Variants in ERBB4 observed in about 807,000 individuals in gnomAD.
The protein encoded by ERBB4 is erb-b2 receptor tyrosine kinase 4.
In ERBB4, 42 loss-of-function variants were observed where a neutral mutation model predicts 158.0. The ratio of observed to expected loss-of-function variants is 0.27; its 90% confidence interval spans 0.21 to 0.34. The LOEUF is 0.34. ERBB4 is among the 10% of genes least tolerant of loss of function. The pLI, the probability that ERBB4 is intolerant of heterozygous loss-of-function variation, is 1.00. For synonymous variants in ERBB4, 583 were observed against 558.7 expected (o/e 1.04, Z -0.61); for missense variants, 1,333 against 1,624.1 (o/e 0.82, Z 3.08).
At position 212,062,364 on chromosome 2, in the gene ERBB4, C is replaced by T. The variant is rs1023304039; in HGVS notation, c.234+62388G>A. Among the ~76,000 whole-genome samples, 28 of 144,144 alleles carry T rather than the reference C, an allele frequency of 1.9e-4. No individual in the cohort carries two copies. The East Asian group carries it at 3.8e-3, about 20-fold the overall frequency. 94.6% of individuals were successfully genotyped at this position (144,144 alleles called of 152,430 possible). On this transcript the variant is annotated intron_variant, in intron 2 of 27. Coordinates refer to ENST00000342788, the MANE Select transcript of ERBB4 (RefSeq NM_005235.3). ...CTGACTGCAGTCTCACTCCAGCTTT[C>T]GTCTTCCTCCTACTACTCTTCTCAC...
chr2:212,049,896 C>T (rs1258806213), intron 2 of ERBB4, among the ~76,000 whole-genome samples: 2 of 152,166 alleles, frequency 1.3e-5, no homozygotes, highest in African/African-American at 4.8e-5. Context: ...CTTTCCAAGT[C>T]TGCACTTCAC....
rs1178723887 is a variant in ERBB4 at position 211,379,449 on chromosome 2, T to C, written c.*4166A>G. On this transcript the variant is annotated 3_prime_UTR_variant, in exon 28 of 28. Coordinates refer to ENST00000342788, the MANE Select transcript of ERBB4 (RefSeq NM_005235.3). ...TTCATTGTAATGCTTTAAAGCAAGT[T>C]TTCCCAAGTGGAACCATATATGCCT... 4.3e-6 allele frequency: 1 copy of C among 230,062 alleles called. No individual in the cohort carries two copies. The highest frequency in any genetic ancestry group is 8.6e-6 in the Non-Finnish European group (1 of 116,172). The allele number at this position is 230,062 out of a possible 1,614,324, so 14.3% of individuals were successfully genotyped here.
intron 1 of ERBB4, among the ~76,000 whole-genome samples, chr2:212,207,353 T>C (rs2082794511): frequency 6.6e-6 from 1 of 152,192 alleles, no homozygotes; most frequent in Non-Finnish European, 1.5e-5. Flanking sequence ...TTTCAAATAA[T>C]GGAATTATCT....
At chr2:211,468,963 T>C (rs1353132704) in intron 20 of ERBB4, among the ~76,000 whole-genome samples, 7 of 149,418 alleles carry the variant, frequency 4.7e-5, no homozygotes, top group African/African-American at 1.2e-4. Flanking sequence ...CTGTGTTTCA[T>C]GTACAGCATT....
chr2:211,476,041 A>T (rs990116821), intron 20 of ERBB4, among the ~76,000 whole-genome samples: 1 of 152,144 alleles, frequency 6.6e-6, no homozygotes, highest in Non-Finnish European at 1.5e-5. Context: ...CAGAAAGTCT[A>T]AGGGAGTTCC....
chr2:212,336,069 T>TG (rs2088426411), intron 1 of ERBB4, among the ~76,000 whole-genome samples: 1 of 151,942 alleles, frequency 6.6e-6, no homozygotes, highest in Non-Finnish European at 1.5e-5. Context: ...AAGCAAGCAC[T>TG]GGGGGAACTG....
chr2:211,459,746 T>A (rs1421871925), intron 20 of ERBB4, among the ~76,000 whole-genome samples: 1 of 152,158 alleles, frequency 6.6e-6, no homozygotes, highest in Non-Finnish European at 1.5e-5. Flanking sequence ...TTTTTCTTTA[T>A]AAATTACCCA....
chr2:211,407,378 T>C (rs1030459882), intron 25 of ERBB4, among the ~76,000 whole-genome samples: 4 of 152,204 alleles, frequency 2.6e-5, no homozygotes, highest in Non-Finnish European at 5.9e-5. Context: ...ATATGAATTA[T>C]GTATACCTCA....
intron 19 of ERBB4, among the ~76,000 whole-genome samples, chr2:211,599,469 G>A (rs1300489476): frequency 8.5e-6 from 1 of 117,466 alleles, no homozygotes; most frequent in Non-Finnish European, 1.9e-5. Context: ...GCCTGTGTAA[G>A]AAGATACTCT....
intron 1 of ERBB4, among the ~76,000 whole-genome samples, chr2:212,333,532 A>G (rs1480342135): frequency 6.7e-6 from 1 of 148,712 alleles, no homozygotes; most frequent in Non-Finnish European, 1.5e-5. Flanking sequence ...AATACGAAAA[A>G]AAAAAAAAAA....
At chr2:212,069,681 CA>C (rs1225372239) in intron 2 of ERBB4, among the ~76,000 whole-genome samples, 6 of 151,906 alleles carry the variant, frequency 3.9e-5, no homozygotes, top group Non-Finnish European at 5.9e-5. Context: ...ACGAAATACA[CA>C]AAAAAACTAT....
At chr2:211,777,152 G>T (rs2075899393) in intron 4 of ERBB4, 1 of 152,090 alleles carries the variant, frequency 6.6e-6, no homozygotes, top group Non-Finnish European at 1.5e-5. Context: ...GTATATGCGT[G>T]AGCATATGTG....
chr2:211,981,080 T>C (rs2081780114), intron 2 of ERBB4, among the ~76,000 whole-genome samples: 1 of 143,504 alleles, frequency 7.0e-6, no homozygotes, highest in South Asian at 2.7e-4. Flanking sequence ...TAGTTAAAAT[T>C]AACAATATTA....
At chr2:212,335,291 T>A (rs2106305488) in intron 1 of ERBB4, among the ~76,000 whole-genome samples, 1 of 152,050 alleles carries the variant, frequency 6.6e-6, no homozygotes, top group East Asian at 1.9e-4. Flanking sequence ...ATAAGATTCA[T>A]CTTAACAATA....
At chr2:211,415,113 T>C (rs1349135032) in intron 25 of ERBB4, among the ~76,000 whole-genome samples, 2 of 111,746 alleles carry the variant, frequency 1.8e-5, no homozygotes, top group Non-Finnish European at 3.8e-5. Context: ...TTTTCTTTTT[T>C]TTTTTTTTTT....
chr2:211,393,587 T>A, intron 25 of ERBB4, among the ~76,000 whole-genome samples: 1 of 152,170 alleles, frequency 6.6e-6, no homozygotes, highest in Non-Finnish European at 1.5e-5. Flanking sequence ...GAAAAGAACT[T>A]AATGACTTAA....
At chr2:211,719,627 G>T (rs1005223718) in intron 7 of ERBB4, among the ~76,000 whole-genome samples, 2 of 151,966 alleles carry the variant, frequency 1.3e-5, no homozygotes, top group African/African-American at 4.8e-5. Flanking sequence ...AGGCCGAGGC[G>T]GGCTAATCAC....
At chr2:212,497,699 CAAAT>C (rs1447223958) in intron 1 of ERBB4, among the ~76,000 whole-genome samples, 6 of 151,930 alleles carry the variant, frequency 3.9e-5, no homozygotes, top group Non-Finnish European at 5.9e-5. Context: ...ATCAATTAGT[CAAAT>C]AAATGACTAC....
intron 1 of ERBB4, among the ~76,000 whole-genome samples, chr2:212,192,092 A>ATATGT (rs1559708532): frequency 2.1e-5 from 2 of 95,574 alleles, no homozygotes; most frequent in Admixed American, 1.4e-4. Flanking sequence ...TATATATATT[A>ATATGT]TATAAGTTAT....
Sources: allele counts gnomAD v4.1 joint callset (sites outside exome capture counted in the v4.1 genomes callset), GRCh38; gene constraint gnomAD v4.1.1; transcripts MANE v1.5; gene names NCBI Gene and HGNC (gene_info 2026-07-23, HGNC 2026-07-21).